Variants in ROR1 observed in about 807,000 individuals in gnomAD.
ROR1 encodes the protein ROR family WNT receptor 1.
ROR1 carries 19 observed loss-of-function variants against 78.8 expected under a neutral mutation model. That is an observed-to-expected ratio of 0.24 (90% CI 0.17 to 0.35). The LOEUF (loss-of-function observed/expected upper bound fraction) is 0.35, where lower values mean the gene tolerates loss of function less well. Among genes scored for constraint, ROR1 ranks in the 10% least tolerant of loss-of-function variants. The probability of loss-of-function intolerance (pLI) is 1.00; values close to 1 mark genes in which losing one functional copy is unlikely to be tolerated. For synonymous variants in ROR1, 386 were observed against 433.6 expected, an observed-to-expected ratio of 0.89 and a Z score of 1.36; for missense variants, 917 against 1,177.8, an observed-to-expected ratio of 0.78 and a Z score of 3.24.
intron 1 of ROR1, among the ~76,000 whole-genome samples, chr1:63,815,460 T>G (rs919977223): frequency 6.9e-6 from 1 of 144,820 alleles, no homozygotes; most frequent in African/African-American, 2.8e-5. Flanking sequence ...TTTTTTTCTT[T>G]TTCTTTTCTT....
chr1:63,862,185 G>C (rs1426831983), intron 1 of ROR1, among the ~76,000 whole-genome samples: 1 of 151,882 alleles, frequency 6.6e-6, no homozygotes, highest in Non-Finnish European at 1.5e-5. Context: ...TTGAGCTCAG[G>C]AGTTCGAGAC....
chr1:63,930,999 G>A (rs1385740889), intron 1 of ROR1, among the ~76,000 whole-genome samples: 1 of 152,142 alleles, frequency 6.6e-6, no homozygotes, highest in Non-Finnish European at 1.5e-5. Context: ...ACAGAAGGCC[G>A]GATGCAGTGG....
chr1:64,084,016 G>A (rs1647128455), intron 4 of ROR1, among the ~76,000 whole-genome samples: 1 of 152,150 alleles, frequency 6.6e-6, no homozygotes. Context: ...GAACTAATAA[G>A]GTCCTGGCAT....
At chr1:63,942,596 G>A (rs539212887) in intron 1 of ROR1, among the ~76,000 whole-genome samples, 1 of 152,240 alleles carries the variant, frequency 6.6e-6, no homozygotes, top group African/African-American at 2.4e-5. Flanking sequence ...TCACTTTGGT[G>A]AAATTTAGAA....
chr1:64,070,840 A>G (rs765109801), intron 4 of ROR1, among the ~76,000 whole-genome samples: 1 of 152,192 alleles, frequency 6.6e-6, no homozygotes, highest in Non-Finnish European at 1.5e-5. Flanking sequence ...ACCAATAAAT[A>G]AGATAGGAAG....
At chr1:63,836,681 C>A (rs556088702) in intron 1 of ROR1, among the ~76,000 whole-genome samples, 2 of 152,304 alleles carry the variant, frequency 1.3e-5, no homozygotes, top group South Asian at 4.1e-4. Context: ...TTCTTAAAAT[C>A]ACCAATGCCT....
chr1:64,103,938 AT>A (rs1157305459), intron 4 of ROR1, among the ~76,000 whole-genome samples: 1 of 152,048 alleles, frequency 6.6e-6, no homozygotes, highest in Non-Finnish European at 1.5e-5. Context: ...GTCTACAAAC[AT>A]TTTTGGTTAT....
intron 1 of ROR1, among the ~76,000 whole-genome samples, chr1:63,811,691 C>G (rs1390055384): frequency 2.0e-5 from 3 of 152,108 alleles, no homozygotes; most frequent in South Asian, 4.1e-4. Context: ...TAGAATGGTA[C>G]TTCTTTCTGT....
intron 1 of ROR1, among the ~76,000 whole-genome samples, chr1:63,800,722 C>G (rs1007551774): frequency 2.0e-5 from 3 of 152,174 alleles, no homozygotes; most frequent in African/African-American, 7.2e-5. Flanking sequence ...TGCAGTTCAT[C>G]AAGATCCTCA....
At chr1:64,058,590 G>A (rs544922516) in intron 4 of ROR1, among the ~76,000 whole-genome samples, 19 of 57,574 alleles carry the variant, frequency 3.3e-4, no homozygotes, top group African/African-American at 9.8e-4. Flanking sequence ...TTAGATGATC[G>A]TGGTGGGTTT....
At chr1:63,902,417 C>A (rs890010231) in intron 1 of ROR1, among the ~76,000 whole-genome samples, 1 of 151,776 alleles carries the variant, frequency 6.6e-6, no homozygotes, top group Non-Finnish European at 1.5e-5. Flanking sequence ...TCCCAAGCTT[C>A]AGTGATCCTC....
chr1:64,161,267 T>C (rs1311358434), intron 8 of ROR1, among the ~76,000 whole-genome samples: 1 of 152,178 alleles, frequency 6.6e-6, no homozygotes, highest in Non-Finnish European at 1.5e-5. Flanking sequence ...GAGCTAGTTA[T>C]TAGAAGCAAT....
In ROR1 at chr1:64,159,137, A is replaced by T; in HGVS notation, c.1331A>T (p.Lys444Ile). Residue 444 changes from lysine to isoleucine, a missense_variant, in exon 8 of 9, where the codon AAA becomes ATA. Lys to Ile is a moderately radical substitution (Grantham distance 102). This residue lies in a region of ROR1 where 835 missense variants were observed against 1,069.8 expected (regional missense o/e 0.78). Coordinates refer to ENST00000371079, the MANE Select transcript of ROR1 (RefSeq NM_005012.4). ...TCGGCACCAGTCCAGAGGCAACCAA[A>T]ACACGTCAGAGGTCAAAATGTAGAG... ...SSSAPVQRQP[K>I]HVRGQNVEMS... 6.2e-7 allele frequency: 1 copy of T among 1,614,142 alleles called. No individual in the cohort carries two copies. The highest frequency in any genetic ancestry group is 1.1e-5 in the South Asian group (1 of 91,074).
intron 1 of ROR1, among the ~76,000 whole-genome samples, chr1:63,940,470 TAGATAGATAGACAGATAGATAGAC>T (rs1054138379): frequency 6.9e-6 from 1 of 145,894 alleles, no homozygotes; most frequent in African/African-American, 2.6e-5. Context: ...AGTACGTAGA[TAGATAGATAGACAGATAGATAGAC>T]AGACAGATAG....
chr1:64,167,912 C>T (rs1040750316), intron 8 of ROR1, among the ~76,000 whole-genome samples: 14 of 152,168 alleles, frequency 9.2e-5, no homozygotes, highest in African/African-American at 3.1e-4. Flanking sequence ...AATGTAGAGT[C>T]CTTTGAGGAT....
chr1:64,147,027 C>G (rs1649492967), intron 7 of ROR1, among the ~76,000 whole-genome samples: 2 of 152,228 alleles, frequency 1.3e-5, no homozygotes, highest in African/African-American at 4.8e-5. Flanking sequence ...ACCAGACACT[C>G]TGCTATCTCT....
intron 1 of ROR1, among the ~76,000 whole-genome samples, chr1:63,918,870 G>A (rs1645631086): frequency 6.6e-6 from 1 of 152,130 alleles, no homozygotes; most frequent in African/African-American, 2.4e-5. Flanking sequence ...AAATCGGTGG[G>A]CAGTGCTGTC....
At chr1:63,834,003 TTTTG>T (rs1553135718) in intron 1 of ROR1, among the ~76,000 whole-genome samples, 3 of 151,446 alleles carry the variant, frequency 2.0e-5, no homozygotes, top group East Asian at 3.9e-4. Flanking sequence ...TTTTTTTTTT[TTTTG>T]TTTGTTTGTT....
intron 2 of ROR1, among the ~76,000 whole-genome samples, chr1:64,047,824 G>A (rs1191683426): frequency 6.6e-6 from 1 of 152,164 alleles, no homozygotes; most frequent in Non-Finnish European, 1.5e-5. Flanking sequence ...ATAAATGTTA[G>A]GAAGCAAAGC....
Sources: gnomAD v4.1 joint callset for allele counts (sites outside exome capture counted in the v4.1 genomes callset) on GRCh38, gnomAD v4.1.1 for gene constraint, gnomAD v4.1.1 regional missense constraint, MANE v1.5 for transcripts, NCBI Gene and HGNC (gene_info 2026-07-23, HGNC 2026-07-21) for gene names.